The following NFYC variants were observed in gnomAD, a reference collection of about 807,000 sequenced individuals.
NFYC encodes the protein CAAT box DNA-binding protein subunit C.
NFYC carries 25 observed loss-of-function variants against 53.1 expected under a neutral mutation model. The observed-to-expected ratio is 0.47, with a 90% confidence interval of 0.34 to 0.66. NFYC has a LOEUF of 0.66. Ranked by LOEUF, NFYC falls within the 30% of genes least tolerant of loss-of-function variation. NFYC has a pLI of 0.01. For missense variants in NFYC, 260 were observed against 422.7 expected, an observed-to-expected ratio of 0.62 and a Z score of 3.38; for synonymous variants, 145 against 152.6, an observed-to-expected ratio of 0.95 and a Z score of 0.37.
chr1:40,769,273 C>A (rs1273922237), intron 8 of NFYC, 83 bp from the exon 9 acceptor site: 3 of 1,403,388 alleles, frequency 2.1e-6, no homozygotes, highest in Non-Finnish European at 3.0e-6. Flanking sequence ...CTCATTTGAT[C>A]TTTATGACCC....
intron 1 of NFYC, among the ~76,000 whole-genome samples, chr1:40,702,349 T>G (rs1372982749): frequency 6.6e-6 from 1 of 151,264 alleles, no homozygotes; most frequent in Non-Finnish European, 1.5e-5. Flanking sequence ...AACTTTTTTT[T>G]TTTTTTTTTT....
chr1:40,702,654 T>C (rs1570313492), intron 1 of NFYC, among the ~76,000 whole-genome samples: 1 of 152,246 alleles, frequency 6.6e-6, no homozygotes, highest in East Asian at 1.9e-4. Flanking sequence ...TCTTCAGAAC[T>C]TCTATCAGAT....
At chr1:40,728,173 C>T (rs1369346405) in intron 1 of NFYC, among the ~76,000 whole-genome samples, 2 of 152,160 alleles carry the variant, frequency 1.3e-5, no homozygotes, top group Non-Finnish European at 2.9e-5. Flanking sequence ...CTTGGCCTCC[C>T]AAAGTGCTGG....
chr1:40,715,522 G>A (rs1456248080), intron 1 of NFYC, among the ~76,000 whole-genome samples: 1 of 151,974 alleles, frequency 6.6e-6, no homozygotes, highest in Non-Finnish European at 1.5e-5. Flanking sequence ...GCATTTACAG[G>A]TGTGAGCATC....
At chr1:40,704,885 C>T (rs1219031575) in intron 1 of NFYC, among the ~76,000 whole-genome samples, 1 of 152,158 alleles carries the variant, frequency 6.6e-6, no homozygotes, top group Admixed American at 6.5e-5. Flanking sequence ...TTCTGCAGGC[C>T]TGCAGAATAT....
At chr1:40,730,582 C>T in intron 1 of NFYC, 2 of 985,244 alleles carry the variant, frequency 2.0e-6, no homozygotes, top group South Asian at 9.4e-5. Flanking sequence ...GATCAAAATG[C>T]AAGTCACAAA....
Position 40,770,823 on chromosome 1 carries a change from G to A in NFYC, c.1003G>A (p.Asp335Asn). Residue 335 changes from aspartate to asparagine, a missense_variant, in exon 10 of 10, where the codon GAC (aspartate) becomes AAC (asparagine). Transcript: ENST00000447388. This position sits in a 1 kb window ranked among gnomAD's most constrained non-coding sequence, Gnocchi z 5.3. ...SDGQAPQVTG[D>N] ...CGGGCAGGCCCCCCAGGTGACCGGC[G>A]ACTGAGGGCCTGAGCTGGCAAGGCC... The A allele has an allele frequency of 1.2e-6, 2 of 1,608,412 alleles. No homozygotes were observed. The highest frequency in any genetic ancestry group is 1.7e-6 in the Non-Finnish European group (2 of 1,179,958).
At position 40,766,636 on chromosome 1, in the gene NFYC, C is replaced by T; in HGVS notation, c.761C>T (p.Ala254Val). ...NAGQLQYIRL[A>V]QPVSGTQVVQ... ...GGCCAGCTGCAGTATATCCGCTTAG[C>T]CCAGCCTGTATCAGGCACTCAAGTT... The change falls in exon 8 of 10, where the codon GCC (alanine) becomes GTC (valine). Residue 254 changes from alanine (A) to valine (V), a missense_variant. By Grantham distance (64) the Ala-to-Val change is moderately conservative. Coordinates refer to ENST00000447388, the MANE Select transcript of NFYC (RefSeq NM_014223.5). 2 of 1,614,120 alleles carry T rather than the reference C, an allele frequency of 1.2e-6. No homozygotes were observed. Among genetic ancestry groups the T allele is most frequent in the Non-Finnish European group, 8.5e-7 (1 of 1,180,014 alleles).
intron 6 of NFYC, 70 bp from the exon 7 acceptor site, chr1:40,762,818 T>G (rs1646617527): frequency 7.1e-7 from 1 of 1,403,950 alleles, no homozygotes; most frequent in South Asian, 1.7e-5. Flanking sequence ...TTGCTCGTTA[T>G]TAACCTCTCG....
At position 40,738,701 on chromosome 1, in the gene NFYC, C is replaced by T. The variant is rs1282520236; in HGVS notation, c.-8-135C>T. ...TAAGTCTGTGTTAAAATCTTTTTAG[C>T]GTAATTATATACCTTATCAAACTGA... On this transcript the variant is annotated intron_variant, in intron 1 of 9. Transcript: ENST00000447388. The T allele has an allele frequency of 2.8e-5, 17 of 613,346 alleles. 1 individual carries two copies. The East Asian group carries it at 3.1e-4, about 11-fold the overall frequency. 38.0% of individuals were successfully genotyped at this position (613,346 alleles called of 1,614,324 possible).
chr1:40,749,789 A>G (rs1161596330), intron 4 of NFYC, 103 bp downstream of exon 4: 2 of 927,498 alleles, frequency 2.2e-6, no homozygotes, highest in East Asian at 2.5e-5. Context: ...AGGACCAAAG[A>G]TTGTTCTCCT....
At position 40,753,119 on chromosome 1, in the gene NFYC, C is replaced by A. The variant is rs144828234; in HGVS notation, c.292-32C>A. 567 of 1,536,156 alleles carry A rather than the reference C, an allele frequency of 3.7e-4. 6 individuals are homozygous for A. The African/African-American group carries it at 6.7e-3, about 18-fold the overall frequency. On this transcript the variant is annotated intron_variant, in intron 4 of 9. Coordinates refer to ENST00000447388, the MANE Select transcript of NFYC (RefSeq NM_014223.5). ...CCAAGTGAACTAGTTTCTCCCCAGG[C>A]TAATTTTTCACACCGCTCTTCTTTG...
chr1:40,729,400 CT>C (rs2148533078), intron 1 of NFYC, among the ~76,000 whole-genome samples: 1 of 152,316 alleles, frequency 6.6e-6, no homozygotes, highest in South Asian at 2.1e-4. Flanking sequence ...CATGAACCAA[CT>C]TTTCTTCTGC....
chr1:40,696,028 T>TTG (rs972639279), intron 1 of NFYC, among the ~76,000 whole-genome samples: 7 of 149,506 alleles, frequency 4.7e-5, no homozygotes, highest in Non-Finnish European at 9.0e-5. Context: ...AATTCTGTTT[T>TTG]TTTTTTTTTT....
chr1:40,756,662 A>C (rs1646239810), intron 5 of NFYC, among the ~76,000 whole-genome samples: 3 of 152,162 alleles, frequency 2.0e-5, no homozygotes, highest in Non-Finnish European at 4.4e-5. Context: ...GTACCAAAAG[A>C]GAGTTTAGAG....
intron 6 of NFYC, among the ~76,000 whole-genome samples, chr1:40,760,107 C>A (rs1311761591): frequency 8.5e-5 from 13 of 152,206 alleles, no homozygotes; most frequent in Admixed American, 8.5e-4. Flanking sequence ...CAGGCATGTG[C>A]CACCACACCT....
intron 1 of NFYC, among the ~76,000 whole-genome samples, chr1:40,701,696 C>A (rs1643443655): frequency 6.6e-6 from 1 of 152,210 alleles, no homozygotes; most frequent in Non-Finnish European, 1.5e-5. Flanking sequence ...CTGTTTGTTA[C>A]AGTAGACTTT....
At chr1:40,762,236 C>T (rs1290521805) in intron 6 of NFYC, among the ~76,000 whole-genome samples, 1 of 152,140 alleles carries the variant, frequency 6.6e-6, no homozygotes, top group Non-Finnish European at 1.5e-5. Flanking sequence ...AGTTAAGAGT[C>T]TGTGTCTTAA....
rs982742905 is a variant in NFYC, at chr1:40,770,053, G to A, written c.888+638G>A. Among the ~76,000 whole-genome samples the A allele has an allele frequency of 2.0e-5, 3 of 152,176 alleles. No individual in the cohort carries two copies. The highest frequency in any genetic ancestry group is 6.5e-5 in the Admixed American group (1 of 15,272). On this transcript the variant is annotated intron_variant, in intron 9 of 9. Coordinates refer to ENST00000447388, the MANE Select transcript of NFYC (RefSeq NM_014223.5). This position sits in a 1 kb window ranked among gnomAD's most constrained non-coding sequence, Gnocchi z 5.3. ...CCAGCACCACATGCTAGGCTTACATGCCAGGGCTCCCATGAGGGCTTGGCT... is the reference window on the plus strand; with the variant it reads ...CCAGCACCACATGCTAGGCTTACATACCAGGGCTCCCATGAGGGCTTGGCT...
Sources: allele counts gnomAD v4.1 joint callset (sites outside exome capture counted in the v4.1 genomes callset), GRCh38; gene constraint gnomAD v4.1.1; non-coding constraint Gnocchi (gnomAD v3.1); transcripts MANE v1.5; gene names NCBI Gene and HGNC (gene_info 2026-07-23, HGNC 2026-07-21).